Variants in TTBK2 observed in about 807,000 individuals in gnomAD.
TTBK2 encodes the protein tau tubulin kinase 2, also known as tau-tubulin kinase 2.
TTBK2 carries 28 observed loss-of-function variants against 110.8 expected under a neutral mutation model. The ratio of observed to expected loss-of-function variants is 0.25; its 90% CI spans 0.19 to 0.35. TTBK2 has a LOEUF of 0.35. TTBK2 is among the 10% of genes least tolerant of loss of function. The probability of loss-of-function intolerance (pLI) is 1.00; values close to 1 mark genes in which losing one functional copy is unlikely to be tolerated. For missense variants in TTBK2, 1,369 were observed against 1,500.3 expected (o/e 0.91, Z 1.45); for synonymous variants, 532 against 527.3 (o/e 1.01, Z -0.12).
chr15:42,814,334 T>C (rs914739148), intron 7 of TTBK2, among the ~76,000 whole-genome samples: 1 of 152,164 alleles, frequency 6.6e-6, no homozygotes, highest in African/African-American at 2.4e-5. Context: ...ATCCCAGCAC[T>C]TTCGGGGGCC....
At chr15:42,756,865 C>CAAAAA (rs200664379) in intron 13 of TTBK2, among the ~76,000 whole-genome samples, 1 of 149,364 alleles carries the variant, frequency 6.7e-6, no homozygotes. Flanking sequence ...TACCCCACCT[C>CAAAAA]AAAAAAAACA....
intron 1 of TTBK2, among the ~76,000 whole-genome samples, chr15:42,906,415 A>G (rs1221086224): frequency 6.6e-6 from 1 of 152,202 alleles, no homozygotes; most frequent in Non-Finnish European, 1.5e-5. Flanking sequence ...GAAAATTACC[A>G]TACTAATATG....
chr15:42,751,943 C>T (rs2061871392), intron 14 of TTBK2, 31 bp downstream of exon 14: 2 of 1,611,274 alleles, frequency 1.2e-6, no homozygotes, highest in African/African-American at 2.7e-5. Context: ...TGGTGTTACA[C>T]ACTTAACACA....
At chr15:42,892,848 A>G (rs904118141) in intron 1 of TTBK2, among the ~76,000 whole-genome samples, 7 of 151,826 alleles carry the variant, frequency 4.6e-5, no homozygotes, top group Admixed American at 2.0e-4. Context: ...TGTCTCTACT[A>G]AAAATACAAA....
chr15:42,829,946 T>C lies in TTBK2; in HGVS notation c.424A>G (p.Ile142Val). 6.2e-7 allele frequency: 1 copy of C among 1,614,170 alleles called. No homozygotes were observed. Among genetic ancestry groups the C allele is most frequent in the East Asian group, 2.2e-5 (1 of 44,884 alleles). Residue 142 changes from isoleucine (I) to valine (V), a missense_variant, in exon 5 of 15, where the codon ATC becomes GTC. By Grantham distance (29) the Ile-to-Val change is conservative (BLOSUM62 3). This residue lies in a region of TTBK2 where 12 missense variants were observed against 47.0 expected (regional missense o/e 0.26). Transcript: ENST00000267890. ...IHSVGFLHRD[I>V]KPSNFAMGRF... ...ATAGAAAAGGTCCCTACCGGTTTGA[T>C]GTCTCGATGCAAGAATCCCACAGAA...
intron 14 of TTBK2, among the ~76,000 whole-genome samples, chr15:42,749,864 C>T (rs2061841901): frequency 6.6e-6 from 1 of 152,136 alleles, no homozygotes. Context: ...AGGTCTGAGA[C>T]CTTAGGTTTA....
At chr15:42,796,681 A>T (rs1309053176) in intron 9 of TTBK2, among the ~76,000 whole-genome samples, 1 of 152,206 alleles carries the variant, frequency 6.6e-6, no homozygotes, top group Non-Finnish European at 1.5e-5. Flanking sequence ...GTATTTAATT[A>T]ATTTCTCTTT....
rs116334558 is a variant in TTBK2 at position 42,841,592 on chromosome 15, G to T, written c.218-1159C>A. ...CTACTGCAGGGTAATGAGAAGTATC[G>T]AAAAGATTTTAAGATAAAGAATAAC... On this transcript the variant is annotated intron_variant, in intron 3 of 14. Transcript: ENST00000267890. Among the ~76,000 whole-genome samples, 717 of 152,216 alleles carry T rather than the reference G, an allele frequency of 4.7e-3. 7 individuals carry two copies. Among genetic ancestry groups the T allele is most frequent in the African/African-American group, 0.017 (692 of 41,536 alleles).
chr15:42,753,754 A>T (rs2140607502), intron 13 of TTBK2, among the ~76,000 whole-genome samples: 1 of 151,926 alleles, frequency 6.6e-6, no homozygotes, highest in African/African-American at 2.4e-5. Context: ...GCGAACACCC[A>T]CTTCTACTCC....
rs1891680324 is a variant in TTBK2, at chr15:42,810,844, G to A, written c.697-105C>T. ...AGGGTATGTACTAGGGAATGAGATA[G>A]TGGGTAATTAAGCATAAAGCAAGAA... On this transcript the variant is annotated intron_variant, in intron 8 of 14. Transcript: ENST00000267890. The A allele has an allele frequency of 1.3e-5, 17 of 1,324,482 alleles. No individual in the cohort carries two copies. In the South Asian group the frequency reaches 2.0e-4, roughly 16 times the overall value. The allele number at this position is 1,324,482 out of a possible 1,614,324, so 82.0% of individuals were successfully genotyped here. A position where few individuals can be genotyped will look rare whatever the true frequency, so the allele number is the denominator to read the frequency against.
At chr15:42,916,282 C>T (rs990138137) in intron 1 of TTBK2, among the ~76,000 whole-genome samples, 5 of 152,024 alleles carry the variant, frequency 3.3e-5, no homozygotes, top group Admixed American at 3.3e-4. Context: ...TTCATTTTTT[C>T]CTATTTTCCT....
intron 9 of TTBK2, among the ~76,000 whole-genome samples, chr15:42,797,977 G>A (rs1216717863): frequency 2.0e-5 from 3 of 152,066 alleles, no homozygotes; most frequent in East Asian, 1.9e-4. Flanking sequence ...TTCGCCTCCC[G>A]GGTTCAAGCG....
intron 1 of TTBK2, among the ~76,000 whole-genome samples, 181 bp downstream of exon 1, chr15:42,920,257 A>G (rs1022840912): frequency 2.6e-5 from 4 of 152,080 alleles, no homozygotes; most frequent in Admixed American, 2.6e-4. Context: ...CAGAACCAGA[A>G]CGATCTCCGA....
At position 42,752,501 on chromosome 15, in the gene TTBK2, T is replaced by G. The variant is rs1487961176; in HGVS notation, c.2745A>C (p.Glu915Asp). 1 of 1,614,196 alleles carries G rather than the reference T, an allele frequency of 6.2e-7. No homozygotes were observed. Among genetic ancestry groups the G allele is most frequent in the Admixed American group, 1.7e-5 (1 of 60,022 alleles). The change falls in exon 14 of 15, where the codon GAA becomes GAC. Residue 915 changes from glutamate (E) to aspartate (D), a missense_variant. Physicochemically the swap from Glu to Asp is conservative, Grantham distance 45. This residue lies in a region of TTBK2 where 1,097 missense variants were observed against 1,114.7 expected (regional missense o/e 0.98). Transcript: ENST00000267890. ...KREKITPRNGELFHCVSENEH... is the reference protein window; with the variant it reads ...KREKITPRNGDLFHCVSENEH... ...CATTCTCTGAAACACAATGAAATAG[T>G]TCTCCATTTCTAGGGGTGATTTTCT...
intron 4 of TTBK2, among the ~76,000 whole-genome samples, chr15:42,834,195 A>AGGGGG (rs1187116010): frequency 7.5e-5 from 9 of 119,228 alleles, no homozygotes; most frequent in African/African-American, 3.6e-4. Context: ...AAAAAAAAAA[A>AGGGGG]AGGGGGGGGG....
intron 14 of TTBK2, among the ~76,000 whole-genome samples, chr15:42,751,710 C>T (rs1008854487): frequency 1.3e-5 from 2 of 152,244 alleles, no homozygotes; most frequent in African/African-American, 4.8e-5. Flanking sequence ...AGTCACTCCA[C>T]TCCAGCCTGC....
intron 3 of TTBK2, among the ~76,000 whole-genome samples, chr15:42,870,173 CA>C (rs953680603): frequency 1.0e-4 from 15 of 146,314 alleles, no homozygotes; most frequent in African/African-American, 1.5e-4. Flanking sequence ...GACTCCATCA[CA>C]AAAAAAAAAT....
At position 42,830,067 on chromosome 15, in the gene TTBK2, C is replaced by T; in HGVS notation, c.303G>A (p.Leu101=). The T allele has an allele frequency of 6.2e-7, 1 of 1,614,138 alleles. No homozygotes were observed. The highest frequency in any genetic ancestry group is 8.5e-7 in the Non-Finnish European group (1 of 1,180,034). ...GGGACTGGCTACGGCGAAGATCTGC[C>T]AGATTCCGACCCTATGGAAATCAAA... ...YVVMQLQGRN[L]ADLRRSQSRG... Residue 101 remains leucine, a synonymous_variant, in exon 5 of 15, where the codon CTG becomes CTA. Transcript: ENST00000267890.
chr15:42,803,278 T>C (rs935516845), intron 9 of TTBK2, among the ~76,000 whole-genome samples: 4 of 152,212 alleles, frequency 2.6e-5, no homozygotes, highest in African/African-American at 7.2e-5. Context: ...CTGTAGGCAA[T>C]TGTTATGCAA....
Sources: allele counts gnomAD v4.1 joint callset (sites outside exome capture counted in the v4.1 genomes callset), GRCh38; gene constraint gnomAD v4.1.1; regional missense constraint gnomAD v4.1.1; transcripts MANE v1.5; gene names NCBI Gene and HGNC (gene_info 2026-07-23, HGNC 2026-07-21).